Variants in ZMIZ1 observed in about 807,000 individuals in gnomAD.
ZMIZ1 encodes the protein zinc finger MIZ domain-containing protein 1.
ZMIZ1 carries 17 observed loss-of-function variants against 113.9 expected under a neutral mutation model. The observed-to-expected ratio is 0.15, with a 90% CI of 0.10 to 0.22. The LOEUF (loss-of-function observed/expected upper bound fraction) is 0.22, where lower values mean the gene tolerates loss of function less well. Among genes scored for constraint, ZMIZ1 ranks in the 10% least tolerant of loss-of-function variants. The pLI, the probability that ZMIZ1 is intolerant of heterozygous loss-of-function variation, is 1.00. For synonymous variants in ZMIZ1, 607 were observed against 603.1 expected, an observed-to-expected ratio of 1.01 and a Z score of -0.09; for missense variants, 1,059 against 1,477.8, an observed-to-expected ratio of 0.72 and a Z score of 4.65.
intron 7 of ZMIZ1, among the ~76,000 whole-genome samples, chr10:79,220,071 G>A (rs1848901228): frequency 6.6e-6 from 1 of 152,172 alleles, no homozygotes; most frequent in Admixed American, 6.5e-5. Flanking sequence ...GCAGAGCTGG[G>A]ACCCCAAGTC....
At chr10:79,135,338 G>A (rs1844954872) in intron 2 of ZMIZ1, among the ~76,000 whole-genome samples, 1 of 152,158 alleles carries the variant, frequency 6.6e-6, no homozygotes, top group Non-Finnish European at 1.5e-5. Flanking sequence ...CTCAGATTGT[G>A]CCCTTCTCTC....
At chr10:79,247,621 C>CA (rs1395655748) in intron 7 of ZMIZ1, among the ~76,000 whole-genome samples, 1 of 152,226 alleles carries the variant, frequency 6.6e-6, no homozygotes, top group African/African-American at 2.4e-5. Context: ...CAACTGCTCC[C>CA]ACCCCCCGTA....
chr10:79,235,704 A>G (rs1849561592), intron 7 of ZMIZ1, among the ~76,000 whole-genome samples: 1 of 152,114 alleles, frequency 6.6e-6, no homozygotes, highest in Non-Finnish European at 1.5e-5. Flanking sequence ...CCCTGTGAGC[A>G]GGAGGTACCG....
At position 79,256,057 on chromosome 10, in the gene ZMIZ1, T is replaced by A. The variant is rs533403739; in HGVS notation, c.281-21124T>A. Among the ~76,000 whole-genome samples, 9 of 152,316 alleles carry A rather than the reference T, an allele frequency of 5.9e-5. No individual in the cohort carries two copies. The South Asian group carries it at 1.9e-3, about 32-fold the overall frequency. On this transcript the variant is annotated intron_variant, in intron 7 of 24. Transcript: ENST00000334512. Reference sequence around the variant, plus strand: ...CCCACTGGGAGCCCCCCAGGGCCCCTTCCTTGGCATTGAGGAGGCTCTTGC... The same window carrying A: ...CCCACTGGGAGCCCCCCAGGGCCCCATCCTTGGCATTGAGGAGGCTCTTGC...
Position 79,249,771 on chromosome 10 carries a change from C to T in ZMIZ1, c.281-27410C>T, listed in dbSNP as rs1047787946. Among the ~76,000 whole-genome samples, 7 of 152,156 alleles carry T rather than the reference C, an allele frequency of 4.6e-5. No homozygotes were observed. In the East Asian group the frequency reaches 5.8e-4, roughly 13 times the overall value. On this transcript the variant is annotated intron_variant, in intron 7 of 24. Transcript: ENST00000334512. Reference sequence around the variant, plus strand: ...CCTGAAGTGGTCACTCTGTGGCCCGCGGGCCTACCCTGTTGGCAGCTCTGG... The same window carrying T: ...CCTGAAGTGGTCACTCTGTGGCCCGTGGGCCTACCCTGTTGGCAGCTCTGG...
At chr10:79,142,442 G>A (rs1845310270) in intron 3 of ZMIZ1, among the ~76,000 whole-genome samples, 1 of 152,002 alleles carries the variant, frequency 6.6e-6, no homozygotes. Flanking sequence ...GTCTGCAGAG[G>A]AGCTGGAGAA....
At chr10:79,206,369 C>A (rs563894206) in intron 5 of ZMIZ1, among the ~76,000 whole-genome samples, 1 of 152,274 alleles carries the variant, frequency 6.6e-6, no homozygotes, top group South Asian at 2.1e-4. Context: ...TGGCTCCTGC[C>A]CCTGCTAATT....
intron 4 of ZMIZ1, among the ~76,000 whole-genome samples, chr10:79,198,795 G>T (rs60244782): frequency 1.3e-5 from 2 of 152,030 alleles, no homozygotes; most frequent in Admixed American, 1.3e-4. Flanking sequence ...GCACTTTGGG[G>T]GGCCGAGGTG....
intron 7 of ZMIZ1, among the ~76,000 whole-genome samples, chr10:79,272,044 G>T (rs1370527148): frequency 6.6e-6 from 1 of 152,158 alleles, no homozygotes; most frequent in Non-Finnish European, 1.5e-5. Flanking sequence ...CGAGGTGGGT[G>T]GATCACTTGA....
chr10:79,280,813 C>T (rs1172025008), intron 8 of ZMIZ1, among the ~76,000 whole-genome samples: 3 of 152,196 alleles, frequency 2.0e-5, no homozygotes, highest in African/African-American at 4.8e-5. Context: ...CTCCACCTCC[C>T]TCTGTGTACC....
intron 5 of ZMIZ1, among the ~76,000 whole-genome samples, chr10:79,205,390 C>T (rs1470081793): frequency 2.6e-5 from 4 of 152,258 alleles, no homozygotes; most frequent in African/African-American, 2.4e-5. Flanking sequence ...ATCCTTTGGA[C>T]AGTTAACTGC....
intron 2 of ZMIZ1, among the ~76,000 whole-genome samples, chr10:79,122,309 G>A (rs1178726598): frequency 6.6e-6 from 1 of 152,158 alleles, no homozygotes; most frequent in Non-Finnish European, 1.5e-5. Context: ...CAGGACAGAA[G>A]CTTTGGCCGG....
chr10:79,113,503 G>T (rs1052431831), intron 1 of ZMIZ1, among the ~76,000 whole-genome samples: 2 of 152,188 alleles, frequency 1.3e-5, no homozygotes, highest in Admixed American at 1.3e-4. Context: ...AATGTGACTG[G>T]TGCCTGGAGG....
chr10:79,143,082 C>G (rs1163854122), intron 3 of ZMIZ1, among the ~76,000 whole-genome samples: 1 of 152,170 alleles, frequency 6.6e-6, no homozygotes, highest in African/African-American at 2.4e-5. Context: ...CTTTCTCAGC[C>G]TCTACTGCAA....
intron 20 of ZMIZ1, 85 bp from the exon 21 acceptor site, chr10:79,305,447 AC>A (rs1854621828): frequency 1.4e-6 from 2 of 1,465,118 alleles, no homozygotes; most frequent in African/African-American, 2.8e-5. Context: ...CAGGGGTGGG[AC>A]CCCACTGACA....
chr10:79,299,246 A>G, intron 16 of ZMIZ1, 55 bp downstream of exon 16: 1 of 1,557,098 alleles, frequency 6.4e-7, no homozygotes, highest in South Asian at 1.2e-5. Context: ...GTCCCCTGGG[A>G]TGGCTTCCTT....
intron 22 of ZMIZ1, 32 bp from the exon 23 acceptor site, chr10:79,307,373 C>CCCCCT (rs772055814): frequency 1.4e-6 from 2 of 1,479,822 alleles, no homozygotes; most frequent in South Asian, 1.1e-5. Flanking sequence ...CTCTGGGTGA[C>CCCCCT]CCCCTCCCCT....
chr10:79,138,229 A>G (rs542086514), intron 2 of ZMIZ1, among the ~76,000 whole-genome samples: 5 of 152,328 alleles, frequency 3.3e-5, no homozygotes, highest in African/African-American at 1.2e-4. Context: ...GAGGCAGTGC[A>G]AGGCCCCCAG....
At chr10:79,301,013 C>G in intron 17 of ZMIZ1, 71 bp downstream of exon 17, 1 of 1,569,580 alleles carries the variant, frequency 6.4e-7, no homozygotes, top group Non-Finnish European at 8.6e-7. Context: ...GTGCGGAATA[C>G]CCTGCCCCAC....
Sources: gnomAD v4.1 joint callset for allele counts (sites outside exome capture counted in the v4.1 genomes callset) on GRCh38, gnomAD v4.1.1 for gene constraint, MANE v1.5 for transcripts, NCBI Gene and HGNC (gene_info 2026-07-23, HGNC 2026-07-21) for gene names.